Variants in NRG1 observed in about 807,000 individuals in gnomAD.
The protein encoded by NRG1 is neuregulin 1, also known as pro-neuregulin-1, membrane-bound isoform.
A neutral mutation model predicts 63.8 loss-of-function variants in NRG1; 18 were observed. The ratio of observed to expected loss-of-function variants is 0.28; its 90% CI spans 0.19 to 0.42. The LOEUF (loss-of-function observed/expected upper bound fraction) is 0.42, where lower values mean the gene tolerates loss of function less well. NRG1 is among the 10% of genes least tolerant of loss of function. NRG1 has a pLI of 1.00. For synonymous variants in NRG1, 302 were observed against 301.3 expected, an observed-to-expected ratio of 1.00 and a Z score of -0.02; for missense variants, 762 against 814.7, an observed-to-expected ratio of 0.94 and a Z score of 0.79.
intron 1 of NRG1, among the ~76,000 whole-genome samples, chr8:32,375,552 G>T (rs1809515912): frequency 6.6e-6 from 1 of 152,032 alleles, no homozygotes; most frequent in Admixed American, 6.6e-5. Flanking sequence ...TTAGAAAGGA[G>T]AAATCATGTG....
At chr8:32,445,942 A>C (rs1820183420) in intron 1 of NRG1, among the ~76,000 whole-genome samples, 1 of 152,002 alleles carries the variant, frequency 6.6e-6, no homozygotes, top group African/African-American at 2.4e-5. Context: ...GGTCTTTGAT[A>C]CTAGCATTTT....
At chr8:32,749,754 A>G (rs1346612924) in intron 7 of NRG1, 7 of 676,078 alleles carry the variant, frequency 1.0e-5, no homozygotes, top group Admixed American at 5.9e-5. Flanking sequence ...TGATTAGTTT[A>G]CTGAAATGTT....
chr8:32,465,655 C>T (rs1301538271), intron 1 of NRG1, among the ~76,000 whole-genome samples: 1 of 152,174 alleles, frequency 6.6e-6, no homozygotes, highest in Admixed American at 6.6e-5. Context: ...ACTCTCGAAT[C>T]CAGCAGTTAT....
At chr8:31,787,583 T>C (rs1369819094) in intron 1 of NRG1, among the ~76,000 whole-genome samples, 1 of 152,180 alleles carries the variant, frequency 6.6e-6, no homozygotes, top group Non-Finnish European at 1.5e-5. Flanking sequence ...TCCATGGATA[T>C]AGGATGGAAG....
chr8:32,181,660 C>G (rs1841441745), intron 1 of NRG1, among the ~76,000 whole-genome samples: 1 of 152,160 alleles, frequency 6.6e-6, no homozygotes, highest in African/African-American at 2.4e-5. Context: ...TAGTCTTAAC[C>G]TTTTATTCTG....
intron 1 of NRG1, among the ~76,000 whole-genome samples, chr8:31,770,536 A>G (rs975628989): frequency 3.5e-5 from 5 of 144,744 alleles, no homozygotes; most frequent in Non-Finnish European, 7.6e-5. Flanking sequence ...CAAACACCGC[A>G]TGTTCTCACT....
chr8:32,407,294 T>TAA (rs1483154129), intron 1 of NRG1, among the ~76,000 whole-genome samples: 2 of 3,770 alleles, frequency 5.3e-4, no homozygotes, highest in Admixed American at 8.7e-3. Flanking sequence ...TATATATATA[T>TAA]TATATATATA....
intron 1 of NRG1, among the ~76,000 whole-genome samples, chr8:31,986,547 C>A (rs2129631700): frequency 6.6e-6 from 1 of 152,168 alleles, no homozygotes; most frequent in Middle Eastern, 3.4e-3. Context: ...TTATTGGAGA[C>A]AATGGAGCAT....
At chr8:32,390,911 TAATC>T (rs1471943174) in intron 1 of NRG1, among the ~76,000 whole-genome samples, 1 of 152,204 alleles carries the variant, frequency 6.6e-6, no homozygotes, top group African/African-American at 2.4e-5. Flanking sequence ...AACAGTCTCT[TAATC>T]AATTGTAAAG....
intron 1 of NRG1, among the ~76,000 whole-genome samples, chr8:32,317,924 A>C (rs964077829): frequency 6.6e-6 from 1 of 152,188 alleles, no homozygotes; most frequent in South Asian, 2.1e-4. Flanking sequence ...CTAAGTTTCT[A>C]TATGACGCCA....
intron 1 of NRG1, among the ~76,000 whole-genome samples, chr8:32,318,524 G>GCCTCAACTAGAACCAGTGT (rs1801023606): frequency 6.6e-6 from 1 of 152,072 alleles, no homozygotes; most frequent in Non-Finnish European, 1.5e-5. Flanking sequence ...AAACATCCGA[G>GCCTCAACTAGAACCAGTGT]CCTCAACTAG....
chr8:32,107,103 G>A (rs1003213615), intron 1 of NRG1, among the ~76,000 whole-genome samples: 6 of 152,062 alleles, frequency 3.9e-5, no homozygotes, highest in African/African-American at 2.4e-5. Context: ...AGGAGTGGTG[G>A]TGCGTGCCTG....
At chr8:32,214,784 A>G (rs993471562) in intron 1 of NRG1, among the ~76,000 whole-genome samples, 3 of 152,222 alleles carry the variant, frequency 2.0e-5, no homozygotes, top group African/African-American at 7.2e-5. Context: ...CTCTGCTCTA[A>G]ATACTAAGCA....
At chr8:32,398,149 A>AT (rs2129484415) in intron 1 of NRG1, among the ~76,000 whole-genome samples, 1 of 152,208 alleles carries the variant, frequency 6.6e-6, no homozygotes, top group East Asian at 1.9e-4. Context: ...TTATATATGG[A>AT]TTTTTCTTGG....
intron 1 of NRG1, among the ~76,000 whole-genome samples, chr8:32,447,106 A>G (rs1351864352): frequency 1.3e-5 from 2 of 151,308 alleles, no homozygotes; most frequent in East Asian, 3.9e-4. Context: ...CTCCACTTGA[A>G]CCTCCAGGTT....
chr8:32,344,923 G>A (rs757964521), intron 1 of NRG1, among the ~76,000 whole-genome samples: 7 of 152,118 alleles, frequency 4.6e-5, no homozygotes, highest in Non-Finnish European at 8.8e-5. Context: ...ATCTCTCTGA[G>A]CCATAATTTC....
chr8:31,794,739 G>A (rs1274822383), intron 1 of NRG1, among the ~76,000 whole-genome samples: 1 of 152,014 alleles, frequency 6.6e-6, no homozygotes, highest in Non-Finnish European at 1.5e-5. Flanking sequence ...GTAGTAACAT[G>A]ATATAGTAGT....
intron 1 of NRG1, among the ~76,000 whole-genome samples, chr8:32,277,179 C>A: frequency 6.6e-6 from 1 of 152,202 alleles, no homozygotes; most frequent in African/African-American, 2.4e-5. Context: ...ATGTTTTTAT[C>A]TACCTCCCAA....
chr8:32,691,915 A>G (rs192265187), intron 5 of NRG1, among the ~76,000 whole-genome samples: 5 of 152,316 alleles, frequency 3.3e-5, no homozygotes, highest in African/African-American at 1.2e-4. Context: ...TTCCCTAAAG[A>G]AAGGTGATAC....
Sources: allele counts gnomAD v4.1 joint callset (sites outside exome capture counted in the v4.1 genomes callset), GRCh38; gene constraint gnomAD v4.1.1; transcripts MANE v1.5; gene names NCBI Gene and HGNC (gene_info 2026-07-23, HGNC 2026-07-21).